YLPM1: variants seen among roughly 807,000 people sequenced by gnomAD.
The protein encoded by YLPM1 is YLP motif containing 1, also known as YLP motif-containing protein 1.
Under a neutral mutation model 230.0 loss-of-function variants are expected in YLPM1, and 99 were observed. The ratio of observed to expected loss-of-function variants is 0.43; its 90% confidence interval spans 0.37 to 0.51. The LOEUF (loss-of-function observed/expected upper bound fraction) is 0.51, where lower values mean the gene tolerates loss of function less well. Among genes scored for constraint, YLPM1 ranks in the 20% least tolerant of loss-of-function variants. YLPM1 has a pLI of 0.00. For missense variants in YLPM1, 2,592 were observed against 2,707.7 expected (o/e 0.96, Z 0.95); for synonymous variants, 984 against 942.5 (o/e 1.04, Z -0.81).
intron 19 of YLPM1, among the ~76,000 whole-genome samples, chr14:74,832,329 G>A (rs1253540429): frequency 1.3e-5 from 2 of 152,166 alleles, no homozygotes; most frequent in African/African-American, 2.4e-5. Flanking sequence ...CTATGAATGA[G>A]TCCTCTTAAG....
intron 1 of YLPM1, among the ~76,000 whole-genome samples, chr14:74,767,530 A>G (rs759079502): frequency 4.2e-4 from 64 of 152,290 alleles, no homozygotes; most frequent in Non-Finnish European, 7.6e-4. Context: ...TGTCCTATGC[A>G]TTGTAGGATG....
chr14:74,775,784 AT>A (rs929004159), intron 1 of YLPM1, among the ~76,000 whole-genome samples: 3 of 152,194 alleles, frequency 2.0e-5, no homozygotes, highest in Non-Finnish European at 4.4e-5. Flanking sequence ...TGTTGAAAAA[AT>A]ATTTTAGGGA....
In YLPM1 at chr14:74,798,216, A is replaced by T. The variant is rs1480548407; in HGVS notation, c.2919A>T (p.Thr973=). The T allele has an allele frequency of 1.2e-6, 2 of 1,613,894 alleles. No homozygotes were observed. The highest frequency in any genetic ancestry group is 1.7e-6 in the Non-Finnish European group (2 of 1,179,906). The part of the protein sequence containing the change: ...GGMEGGTAVA[T]SSLTADNDFK... ...TGGAGGGAGGAACAGCAGTAGCAAC[A>T]TCATCATTAACAGCAGATAATGATT... The change falls in exon 5 of 21, where the codon ACA becomes ACT. Residue 973 remains threonine (T), a synonymous_variant. Coordinates refer to ENST00000325680, the MANE Select transcript of YLPM1 (RefSeq NM_019589.3).
chr14:74,829,097 A>C (rs1262305768), intron 18 of YLPM1, 116 bp from the exon 19 acceptor site: 1 of 1,197,612 alleles, frequency 8.3e-7, no homozygotes, highest in Middle Eastern at 2.7e-4. Flanking sequence ...GTGATGCTGC[A>C]CTCAAAAATG....
At position 74,798,965 on chromosome 14, in the gene YLPM1, G is replaced by C; in HGVS notation, c.3668G>C (p.Arg1223Thr). The change falls in exon 5 of 21, where the codon AGA becomes ACA. Residue 1223 changes from arginine to threonine, a missense_variant. Transcript: ENST00000325680. ...MERERLDDWDRERYWRECERD... is the reference protein window; with the variant it reads ...MERERLDDWDTERYWRECERD... ...CGAGAAAGACTCGATGACTGGGATAGAGAGAGATACTGGAGAGAATGTGAA... is the reference window on the plus strand; with the variant it reads ...CGAGAAAGACTCGATGACTGGGATACAGAGAGATACTGGAGAGAATGTGAA... 1 of 1,613,874 alleles carries C rather than the reference G, an allele frequency of 6.2e-7. No homozygotes were observed.
chr14:74,794,145 A>C (rs548482897), intron 4 of YLPM1, among the ~76,000 whole-genome samples: 1 of 151,510 alleles, frequency 6.6e-6, no homozygotes, highest in African/African-American at 2.4e-5. Context: ...TAAAAGGTCA[A>C]CTTGGCTGAG....
intron 19 of YLPM1, 93 bp downstream of exon 19, chr14:74,829,436 AT>A: frequency 6.5e-7 from 1 of 1,527,218 alleles, no homozygotes. Context: ...CATGGATGCT[AT>A]TTTTAGAATG....
At chr14:74,772,041 G>T (rs866770805) in intron 1 of YLPM1, among the ~76,000 whole-genome samples, 1 of 151,978 alleles carries the variant, frequency 6.6e-6, no homozygotes, top group Non-Finnish European at 1.5e-5. Flanking sequence ...TGTCTTATAG[G>T]CATTTATGAT....
chr14:74,785,554 G>T (rs1297532072), intron 4 of YLPM1, among the ~76,000 whole-genome samples: 1 of 152,180 alleles, frequency 6.6e-6, no homozygotes, highest in Non-Finnish European at 1.5e-5. Context: ...GAGTGAACAA[G>T]ACTGAGGTAA....
rs1338752108 is a variant in YLPM1, at chr14:74,835,286, GAGA to G, written c.6322_6324del (p.Lys2108del). ...TTAGGTCAGATGGGCAGACCTGGAA[GAGA>G]AGAAGGATGCAGATAGGAAAAGGGC... On this transcript the variant is annotated inframe_deletion, in exon 20 of 21. Transcript: ENST00000325680. The G allele has an allele frequency of 6.2e-7, 1 of 1,613,568 alleles. No homozygotes were observed. The highest frequency in any genetic ancestry group is 8.5e-7 in the Non-Finnish European group (1 of 1,179,704).
At chr14:74,823,435 A>G (rs1303003268) in intron 17 of YLPM1, among the ~76,000 whole-genome samples, 1 of 152,140 alleles carries the variant, frequency 6.6e-6, no homozygotes, top group Non-Finnish European at 1.5e-5. Flanking sequence ...TGCTAGGTGA[A>G]TAAACAGAAA....
intron 1 of YLPM1, among the ~76,000 whole-genome samples, chr14:74,776,750 G>A (rs555187039): frequency 6.6e-6 from 1 of 152,178 alleles, no homozygotes; most frequent in Non-Finnish European, 1.5e-5. Flanking sequence ...AGCTCAGTGA[G>A]TATGGATTTT....
At chr14:74,803,418 A>C (rs1004264245) in intron 6 of YLPM1, among the ~76,000 whole-genome samples, 2 of 152,164 alleles carry the variant, frequency 1.3e-5, no homozygotes, top group Non-Finnish European at 2.9e-5. Context: ...AAACAGCTCT[A>C]CTGAACCTCT....
intron 19 of YLPM1, among the ~76,000 whole-genome samples, chr14:74,834,234 AAT>A (rs1019962610): frequency 5.3e-5 from 8 of 151,426 alleles, no homozygotes; most frequent in African/African-American, 9.7e-5. Flanking sequence ...AATATGTAAG[AAT>A]ATATATATAT....
chr14:74,829,152 TGTGTGTC>T (rs1828186772), intron 18 of YLPM1, 54 bp from the exon 19 acceptor site: 1 of 1,599,728 alleles, frequency 6.3e-7, no homozygotes, highest in South Asian at 1.1e-5. Flanking sequence ...TTCCCCTGTG[TGTGTGTC>T]GTGTGCAAAC....
chr14:74,773,711 C>CTT (rs766885242), intron 1 of YLPM1, among the ~76,000 whole-genome samples: 5,289 of 60,650 alleles, frequency 0.087, 933 homozygotes, highest in South Asian at 0.16. Flanking sequence ...TGTTTTCTTT[C>CTT]TTTTTTTTTT....
rs781368525 is a variant in YLPM1, at chr14:74,802,689, G to T, written c.4521+13G>T. The stretch of plus-strand genomic sequence containing the variant: ...TGGAATGTATCCGGTATGGGAGAAT[G>T]TGTGCTCAGAAAATGAAATGGTTTC... On this transcript the variant is annotated intron_variant, in intron 6 of 20. Coordinates refer to ENST00000325680, the MANE Select transcript of YLPM1 (RefSeq NM_019589.3). 6.3e-7 allele frequency: 1 copy of T among 1,581,656 alleles called. No individual in the cohort carries two copies. The highest frequency in any genetic ancestry group is 8.6e-7 in the Non-Finnish European group (1 of 1,166,422).
Position 74,837,192 on chromosome 14 carries a change from A to G in YLPM1, c.*1454A>G, listed in dbSNP as rs1430140219. On this transcript the variant is annotated 3_prime_UTR_variant, in exon 21 of 21. Coordinates refer to ENST00000325680, the MANE Select transcript of YLPM1 (RefSeq NM_019589.3). ...TACCCCTAATTTAATGGAAATTCTA[A>G]CAACTTTCTGTACTTTTATCTTCCC... The G allele has an allele frequency of 1.3e-5, 2 of 152,198 alleles. No individual in the cohort carries two copies. Among genetic ancestry groups the G allele is most frequent in the Non-Finnish European group, 2.9e-5 (2 of 68,032 alleles). The allele number at this position is 152,198 out of a possible 1,614,324, so 9.4% of individuals were successfully genotyped here.
In YLPM1 at chr14:74,813,905, T is replaced by G. The variant is rs374824532; in HGVS notation, c.5502+1123T>G. Among the ~76,000 whole-genome samples, 77 of 152,366 alleles carry G rather than the reference T, an allele frequency of 5.1e-4. 2 individuals are homozygous for G. In the South Asian group the frequency reaches 5.8e-3, roughly 11 times the overall value. On this transcript the variant is annotated intron_variant, in intron 11 of 20. Coordinates refer to ENST00000325680, the MANE Select transcript of YLPM1 (RefSeq NM_019589.3). ...TTTCTATGTATAAGATCATGTCATC[T>G]GCAAATATACTTTTACTTCTTTCTT...
Sources: gnomAD v4.1 joint callset for allele counts (sites outside exome capture counted in the v4.1 genomes callset) on GRCh38, gnomAD v4.1.1 for gene constraint, MANE v1.5 for transcripts, NCBI Gene and HGNC (gene_info 2026-07-23, HGNC 2026-07-21) for gene names.